The following TRHDE variants were observed in gnomAD, a reference collection of about 807,000 sequenced individuals.
TRHDE encodes the protein thyrotropin-releasing hormone-degrading ectoenzyme.
Under a neutral mutation model 125.7 loss-of-function variants are expected in TRHDE, and 72 were observed. That is an observed-to-expected ratio of 0.57 (90% confidence interval 0.47 to 0.70). TRHDE has a LOEUF of 0.70. TRHDE is among the 30% of genes least tolerant of loss of function. The pLI is 0.00. For missense variants in TRHDE, 1,110 were observed against 1,327.1 expected, an observed-to-expected ratio of 0.84 and a Z score of 2.54; for synonymous variants, 509 against 509.1, an observed-to-expected ratio of 1.00 and a Z score of 0.00.
chr12:72,466,487 G>C (rs1452240835), intron 3 of TRHDE, among the ~76,000 whole-genome samples: 1 of 152,170 alleles, frequency 6.6e-6, no homozygotes, highest in Admixed American at 6.6e-5. Flanking sequence ...CCATCTACCG[G>C]TGACAAAGTT....
intron 3 of TRHDE, among the ~76,000 whole-genome samples, chr12:72,428,692 A>ATCTGG (rs1307924731): frequency 6.6e-6 from 1 of 152,116 alleles, no homozygotes; most frequent in African/African-American, 2.4e-5. Flanking sequence ...TATTCACAAC[A>ATCTGG]TGTGTAGTCA....
At chr12:72,270,860 C>G (rs183288725), upstream of TRHDE, among the ~76,000 whole-genome samples, 156 of 152,332 alleles carry the variant, frequency 1.0e-3, no homozygotes, top group African/African-American at 3.6e-3. Flanking sequence ...AGACAAGAGT[C>G]CATAACCAGC....
intron 7 of TRHDE, among the ~76,000 whole-genome samples, chr12:72,545,680 G>C (rs1433381121): frequency 1.3e-5 from 2 of 151,504 alleles, no homozygotes; most frequent in Non-Finnish European, 3.0e-5. Context: ...CAGCATTTTT[G>C]TAACAGGGAG....
At chr12:72,364,550 C>T (rs1037846750) in intron 2 of TRHDE, among the ~76,000 whole-genome samples, 10 of 152,078 alleles carry the variant, frequency 6.6e-5, no homozygotes, top group Non-Finnish European at 1.5e-4. Context: ...AGTCCTGGCA[C>T]AGAGTAGCCT....
chr12:72,645,282 T>A (rs2136104142), intron 15 of TRHDE, among the ~76,000 whole-genome samples: 1 of 152,232 alleles, frequency 6.6e-6, no homozygotes, highest in African/African-American at 2.4e-5. Context: ...TTAAAAGTAC[T>A]AAACAGGTGA....
intron 2 of TRHDE, among the ~76,000 whole-genome samples, chr12:72,374,538 G>A (rs1039816140): frequency 2.0e-5 from 3 of 152,120 alleles, no homozygotes; most frequent in African/African-American, 7.2e-5. Context: ...AGAGATCAAT[G>A]TATTGAAACC....
intron 15 of TRHDE, among the ~76,000 whole-genome samples, chr12:72,635,828 T>C (rs1565818262): frequency 6.6e-6 from 1 of 152,224 alleles, no homozygotes; most frequent in Non-Finnish European, 1.5e-5. Flanking sequence ...TGCAGCATTA[T>C]TTCTGAGGGC....
intron 12 of TRHDE, among the ~76,000 whole-genome samples, chr12:72,616,445 A>T (rs1012967070): frequency 6.6e-6 from 1 of 152,020 alleles, no homozygotes; most frequent in Non-Finnish European, 1.5e-5. Flanking sequence ...CCATCCTTTT[A>T]TTTTATAGAC....
chr12:72,524,550 A>G (rs889526092), intron 6 of TRHDE, among the ~76,000 whole-genome samples: 6 of 151,918 alleles, frequency 3.9e-5, no homozygotes, highest in African/African-American at 9.7e-5. Context: ...TGTAATACAT[A>G]TTTTATTTAT....
intron 12 of TRHDE, among the ~76,000 whole-genome samples, chr12:72,615,111 G>T (rs1414111703): frequency 6.6e-6 from 1 of 152,074 alleles, no homozygotes. Flanking sequence ...TTCCTCATTT[G>T]CCTCTTTCTC....
chr12:72,209,443 C>G (rs1344972624), intron 2 of TRHDE, among the ~76,000 whole-genome samples: 1 of 152,194 alleles, frequency 6.6e-6, no homozygotes, highest in African/African-American at 2.4e-5. Flanking sequence ...GGAAAAGGAA[C>G]AAACCCTATG....
At position 72,285,987 on chromosome 12, in the gene TRHDE, C is replaced by A. The variant is rs529769880; in HGVS notation, c.915-694C>A. On this transcript the variant is annotated intron_variant, in intron 1 of 18. Coordinates refer to ENST00000261180, the MANE Select transcript of TRHDE (RefSeq NM_013381.3). ...TTGAAGATGTGAATTAGCAACTGCTCCATGCTAGTCACAGTCATAGGTGCT... is the reference window on the plus strand; with the variant it reads ...TTGAAGATGTGAATTAGCAACTGCTACATGCTAGTCACAGTCATAGGTGCT... Among the ~76,000 whole-genome samples, 3 of 152,338 alleles carry A rather than the reference C, an allele frequency of 2.0e-5. No individual in the cohort carries two copies. In the East Asian group the frequency reaches 5.8e-4, roughly 29 times the overall value.
intron 2 of TRHDE, among the ~76,000 whole-genome samples, chr12:72,173,195 C>G (rs1876914923): frequency 6.6e-6 from 1 of 151,834 alleles, no homozygotes; most frequent in African/African-American, 2.4e-5. Context: ...GTTTGGGGAC[C>G]CCAATGCCAT....
At chr12:72,184,831 G>A (rs1877168218) in intron 2 of TRHDE, among the ~76,000 whole-genome samples, 1 of 152,234 alleles carries the variant, frequency 6.6e-6, no homozygotes, top group Non-Finnish European at 1.5e-5. Flanking sequence ...TCCAGCAGTT[G>A]TTATGGTTGA....
At chr12:72,469,962 T>C (rs765301501) in intron 4 of TRHDE, 50 bp downstream of exon 4, 6 of 1,565,838 alleles carry the variant, frequency 3.8e-6, no homozygotes, top group Middle Eastern at 1.7e-4. Context: ...CTATTGAAAA[T>C]GATTTTGAAT....
Position 72,562,201 on chromosome 12 carries a change from A to T in TRHDE, c.1825A>T (p.Arg609Ter). The T allele has an allele frequency of 6.4e-7, 1 of 1,563,940 alleles. No homozygotes were observed. Among genetic ancestry groups the T allele is most frequent in the Non-Finnish European group, 8.8e-7 (1 of 1,139,468 alleles). The part of the protein sequence containing the change: ...LTIHKYGNAA[R>*]NDLWNTLSEA... The stretch of plus-strand genomic sequence containing the variant: ...CATTCATAAGTATGGTAATGCAGCC[A>T]GAAATGATCTCTGGAATACATTATC... Residue 609 changes from arginine to a stop codon, truncating the protein, a stop_gained, in exon 8 of 19, where the codon AGA becomes TGA. Coordinates refer to ENST00000261180, the MANE Select transcript of TRHDE (RefSeq NM_013381.3). LOFTEE classifies it high-confidence loss of function.
chr12:72,484,424 G>A (rs2135917466), intron 5 of TRHDE, among the ~76,000 whole-genome samples: 1 of 152,230 alleles, frequency 6.6e-6, no homozygotes, highest in African/African-American at 2.4e-5. Context: ...CTAGAAGAAT[G>A]GGAATGTTCA....
chr12:72,637,545 G>A (rs1873818848), intron 15 of TRHDE, among the ~76,000 whole-genome samples: 1 of 151,978 alleles, frequency 6.6e-6, no homozygotes, highest in Non-Finnish European at 1.5e-5. Flanking sequence ...CCTTCTGCTA[G>A]CTTTTGAATG....
chr12:72,154,178 G>T (rs539126682), intron 2 of TRHDE, among the ~76,000 whole-genome samples: 19 of 152,126 alleles, frequency 1.2e-4, no homozygotes, highest in African/African-American at 4.3e-4. Flanking sequence ...TTTGATCTTT[G>T]TTGGTTTAAA....
Sources: gnomAD v4.1 joint callset for allele counts (sites outside exome capture counted in the v4.1 genomes callset) on GRCh38, gnomAD v4.1.1 for gene constraint, MANE v1.5 for transcripts, NCBI Gene and HGNC (gene_info 2026-07-23, HGNC 2026-07-21) for gene names.